The following PTN variants were observed in gnomAD, a reference collection of about 807,000 sequenced individuals.
PTN encodes the protein pleiotrophin.
PTN carries 18 observed loss-of-function variants against 24.1 expected under a neutral mutation model. The ratio of observed to expected loss-of-function variants is 0.75; its 90% CI spans 0.52 to 1.11. The LOEUF (loss-of-function observed/expected upper bound fraction) is 1.11, where lower values mean the gene tolerates loss of function less well. Among genes scored for constraint, PTN ranks in the 50% least tolerant of loss-of-function variants. The pLI, the probability that PTN is intolerant of heterozygous loss-of-function variation, is 0.00. For synonymous variants in PTN, 78 were observed against 68.6 expected, an observed-to-expected ratio of 1.14 and a Z score of -0.67; for missense variants, 163 against 198.8, an observed-to-expected ratio of 0.82 and a Z score of 1.08.
chr7:137,304,172 T>G (rs895330788), intron 1 of PTN, among the ~76,000 whole-genome samples: 1 of 152,022 alleles, frequency 6.6e-6, no homozygotes, highest in Non-Finnish European at 1.5e-5. Flanking sequence ...ATTATTCTCC[T>G]TTCCTCTGAT....
At chr7:137,256,532 T>G (rs376226651) in intron 1 of PTN, among the ~76,000 whole-genome samples, 16 of 152,344 alleles carry the variant, frequency 1.1e-4, no homozygotes, top group East Asian at 9.6e-4. Flanking sequence ...TTCCATTGTA[T>G]ATATGTACCA....
intron 1 of PTN, among the ~76,000 whole-genome samples, chr7:137,306,828 G>A (rs1450137818): frequency 6.6e-6 from 1 of 152,074 alleles, no homozygotes; most frequent in African/African-American, 2.4e-5. Context: ...TGTCATGAGA[G>A]CAACCTATTA....
chr7:137,280,699 CAAAAAAAAA>C (rs58738876), intron 1 of PTN, among the ~76,000 whole-genome samples: 14 of 44,352 alleles, frequency 3.2e-4, no homozygotes, highest in South Asian at 9.6e-4. Context: ...ACTAAAAATA[CAAAAAAAAA>C]AAAAAAAAAA....
At chr7:137,252,226 TTGATAGATGTAGAG>T (rs1160335660) in intron 3 of PTN, among the ~76,000 whole-genome samples, 1 of 151,930 alleles carries the variant, frequency 6.6e-6, no homozygotes, top group East Asian at 1.9e-4. Context: ...TCTAGCCACT[TTGATAGATGTAGAG>T]TGATATCTCA....
rs17169031 is a variant in PTN at position 137,282,160 on chromosome 7, C to T, written c.-1-27186G>A. Among the ~76,000 whole-genome samples the T allele has an allele frequency of 7.7e-3, 1,169 of 152,302 alleles. 29 individuals are homozygous for T. Among genetic ancestry groups the T allele is most frequent in the East Asian group, 0.071 (369 of 5,182 alleles). On this transcript the variant is annotated intron_variant, in intron 1 of 4. Coordinates refer to ENST00000348225, the MANE Select transcript of PTN (RefSeq NM_002825.7). ...AGAAAATATCAGTGATTACAACATT[C>T]AGAAAGTCTGTATTTAATTTTCTGC...
chr7:137,271,394 T>C (rs1445900093), intron 1 of PTN, among the ~76,000 whole-genome samples: 1 of 152,226 alleles, frequency 6.6e-6, no homozygotes, highest in African/African-American at 2.4e-5. Context: ...TGTTCCCTAT[T>C]AATCTTTACA....
At chr7:137,272,218 C>G (rs939708098) in intron 1 of PTN, among the ~76,000 whole-genome samples, 2 of 152,212 alleles carry the variant, frequency 1.3e-5, no homozygotes, top group African/African-American at 4.8e-5. Flanking sequence ...TCTAGACTGT[C>G]TAAAAGCTTT....
At chr7:137,263,308 C>T (rs1461394689) in intron 1 of PTN, among the ~76,000 whole-genome samples, 2 of 152,186 alleles carry the variant, frequency 1.3e-5, no homozygotes, top group Non-Finnish European at 2.9e-5. Flanking sequence ...TGTACAGGCA[C>T]ATGTGCCAGT....
chr7:137,254,985 A>G lies in PTN; in HGVS notation c.-1-11T>C. 6.6e-7 allele frequency: 1 copy of G among 1,508,216 alleles called. No individual in the cohort carries two copies. The highest frequency in any genetic ancestry group is 9.0e-7 in the Non-Finnish European group (1 of 1,106,140). The allele number at this position is 1,508,216 out of a possible 1,614,324, so 93.4% of individuals were successfully genotyped here. ...TGTTGAGCCTGCATTCTAGGAATAA[A>G]CAGAGAAAGAGAAGAAGGTGGCATT... On this transcript the variant is annotated splice_polypyrimidine_tract_variant and intron_variant, in intron 1 of 4. Coordinates refer to ENST00000348225, the MANE Select transcript of PTN (RefSeq NM_002825.7).
intron 1 of PTN, among the ~76,000 whole-genome samples, chr7:137,301,878 G>C (rs771605279): frequency 2.9e-4 from 44 of 151,946 alleles, no homozygotes; most frequent in Non-Finnish European, 4.0e-4. Context: ...AGGTAACCGC[G>C]AACCTCTTTA....
At chr7:137,304,957 A>G (rs1585037147) in intron 1 of PTN, among the ~76,000 whole-genome samples, 1 of 152,204 alleles carries the variant, frequency 6.6e-6, no homozygotes, top group East Asian at 1.9e-4. Context: ...TAGCGGCCGT[A>G]TTATTTAGAC....
At chr7:137,251,976 A>G (rs1585013036) in intron 3 of PTN, among the ~76,000 whole-genome samples, 2 of 151,898 alleles carry the variant, frequency 1.3e-5, no homozygotes, top group Admixed American at 6.5e-5. Flanking sequence ...GGTTACTACA[A>G]ATAGAACTGC....
chr7:137,324,710 C>T (rs1255537391), intron 1 of PTN: 1 of 152,032 alleles, frequency 6.6e-6, no homozygotes, highest in Non-Finnish European at 1.5e-5. Flanking sequence ...CCAGTAAGGT[C>T]AGTGAGGCAA....
intron 1 of PTN, among the ~76,000 whole-genome samples, chr7:137,322,843 G>T (rs1810186026): frequency 6.6e-6 from 1 of 152,080 alleles, no homozygotes; most frequent in South Asian, 2.1e-4. Context: ...ATAAATCCAA[G>T]AATCCATTAA....
rs528053094 is a variant in PTN at position 137,277,186 on chromosome 7, C to T, written c.-1-22212G>A. 3.8e-4 allele frequency among the ~76,000 whole-genome samples: 58 copies of T among 152,262 alleles called. No homozygotes were observed. The South Asian group carries it at 8.1e-3, about 21-fold the overall frequency. On this transcript the variant is annotated intron_variant, in intron 1 of 4. Coordinates refer to ENST00000348225, the MANE Select transcript of PTN (RefSeq NM_002825.7). ...GATGGCAAATGAGCATGTGAAAAGA[C>T]GCCCAGTGCTATTAGGAAAACTCTT...
intron 1 of PTN, among the ~76,000 whole-genome samples, chr7:137,324,997 T>A (rs1441390002): frequency 6.6e-6 from 1 of 152,188 alleles, no homozygotes; most frequent in Non-Finnish European, 1.5e-5. Flanking sequence ...AGAGTTTTAA[T>A]TGTACTGTAA....
At position 137,257,040 on chromosome 7, in the gene PTN, A is replaced by G. The variant is rs546042653; in HGVS notation, c.-1-2066T>C. On this transcript the variant is annotated intron_variant, in intron 1 of 4. Coordinates refer to ENST00000348225, the MANE Select transcript of PTN (RefSeq NM_002825.7). ...GCTGGCAAGACTGTGGAGAAATAAGAATGCTTTTACACTGTTGGTGGGAAT... is the reference window on the plus strand; with the variant it reads ...GCTGGCAAGACTGTGGAGAAATAAGGATGCTTTTACACTGTTGGTGGGAAT... Among the ~76,000 whole-genome samples, 3 of 152,320 alleles carry G rather than the reference A, an allele frequency of 2.0e-5. No individual in the cohort carries two copies. In the South Asian group the frequency reaches 6.2e-4, roughly 32 times the overall value.
intron 1 of PTN, among the ~76,000 whole-genome samples, chr7:137,278,698 T>C (rs1041895754): frequency 6.6e-6 from 1 of 151,722 alleles, no homozygotes; most frequent in Non-Finnish European, 1.5e-5. Context: ...CCCAGCACTT[T>C]GGGAGGCCAA....
chr7:137,249,629 TA>T (rs1327165249), intron 4 of PTN, among the ~76,000 whole-genome samples: 1 of 152,202 alleles, frequency 6.6e-6, no homozygotes, highest in Non-Finnish European at 1.5e-5. Context: ...TTGACTACAG[TA>T]ACTCTGAGTT....
Sources: allele counts gnomAD v4.1 joint callset (sites outside exome capture counted in the v4.1 genomes callset), GRCh38; gene constraint gnomAD v4.1.1; transcripts MANE v1.5; gene names NCBI Gene and HGNC (gene_info 2026-07-23, HGNC 2026-07-21).